The following VPS37A variants were observed in gnomAD, a reference collection of about 807,000 sequenced individuals.
VPS37A encodes the protein VPS37A subunit of ESCRT-I, also known as vacuolar protein sorting-associated protein 37A.
Under a neutral mutation model 49.8 loss-of-function variants are expected in VPS37A, and 30 were observed. The observed-to-expected ratio is 0.60, with a 90% confidence interval of 0.45 to 0.82. The LOEUF is 0.82. Ranked by LOEUF, VPS37A falls within the 40% of genes least tolerant of loss-of-function variation. VPS37A has a pLI of 0.00. For missense variants in VPS37A, 593 were observed against 464.4 expected, an observed-to-expected ratio of 1.28 and a Z score of -2.55; for synonymous variants, 195 against 160.6, an observed-to-expected ratio of 1.21 and a Z score of -1.62.
At chr8:17,316,077 A>C in the VPS37A span, among the ~76,000 whole-genome samples, 7 of 152,268 alleles carry the variant, frequency 4.6e-5, no homozygotes, top group African/African-American at 9.6e-5. Context: ...TTTCCTATGA[A>C]GATTGTTAAT....
At chr8:17,322,950 C>CTTT in the VPS37A span, among the ~76,000 whole-genome samples, 104 of 125,752 alleles carry the variant, frequency 8.3e-4, 1 homozygote, top group African/African-American at 2.5e-3. Context: ...ATTGAATTAT[C>CTTT]TTTTTTTTTT....
At chr8:17,306,035 T>C, downstream of VPS37A, 1 of 1,148,434 alleles carries the variant, frequency 8.7e-7, no homozygotes, top group Non-Finnish European at 1.2e-6. Flanking sequence ...AAAACAACCA[T>C]AAAAGCAACC....
intron 4 of VPS37A, 50 bp downstream of exon 4, chr8:17,269,006 T>A: frequency 7.9e-7 from 1 of 1,263,766 alleles, no homozygotes; most frequent in Non-Finnish European, 1.1e-6. Context: ...TTTAATGTAT[T>A]AATCAAAATA....
chr8:17,283,282 A>T (rs1046100026), intron 9 of VPS37A, among the ~76,000 whole-genome samples: 1 of 151,838 alleles, frequency 6.6e-6, no homozygotes, highest in Non-Finnish European at 1.5e-5. Context: ...CATCCTCCCA[A>T]GTAGCCAAGG....
At chr8:17,301,801 A>G (rs1259842570), downstream of VPS37A, 2 of 292,772 alleles carry the variant, frequency 6.8e-6, no homozygotes, top group Non-Finnish European at 1.2e-5. Flanking sequence ...AAGTGGGGAA[A>G]GAGTTTTACA....
intron 1 of VPS37A, among the ~76,000 whole-genome samples, chr8:17,263,251 CTTT>C (rs1388296521): frequency 2.0e-5 from 3 of 151,182 alleles, no homozygotes; most frequent in South Asian, 2.1e-4. Flanking sequence ...TTTTTGGCAA[CTTT>C]TTTTTAATGA....
chr8:17,279,004 G>C (rs1814781052), intron 6 of VPS37A, among the ~76,000 whole-genome samples: 1 of 151,754 alleles, frequency 6.6e-6, no homozygotes, highest in Admixed American at 6.6e-5. Context: ...ACCCATTTTT[G>C]TTTTTGGTTT....
At chr8:17,286,543 C>T in intron 11 of VPS37A, 116 bp downstream of exon 11, 1 of 807,908 alleles carries the variant, frequency 1.2e-6, no homozygotes, top group East Asian at 2.7e-5. Context: ...ATTATAGTTA[C>T]TGTGCTATGT....
intron 1 of VPS37A, among the ~76,000 whole-genome samples, chr8:17,254,900 G>A (rs1812300738): frequency 6.6e-6 from 1 of 152,050 alleles, no homozygotes; most frequent in African/African-American, 2.4e-5. Context: ...TTGTCTGTCT[G>A]TTCTCCATCT....
intron 9 of VPS37A, among the ~76,000 whole-genome samples, chr8:17,280,908 A>G (rs1040596843): frequency 6.6e-6 from 1 of 151,994 alleles, no homozygotes; most frequent in Non-Finnish European, 1.5e-5. Flanking sequence ...ATAAAATTCA[A>G]CCTATATTTC....
chr8:17,268,488 T>G (rs1813677938), intron 3 of VPS37A, 116 bp downstream of exon 3: 1 of 761,194 alleles, frequency 1.3e-6, no homozygotes, highest in Admixed American at 3.1e-5. Flanking sequence ...AGTACTTTTT[T>G]TAAAAATTGA....
downstream of VPS37A, chr8:17,298,509 C>T (rs1044877723): frequency 6.6e-6 from 1 of 152,294 alleles, no homozygotes; most frequent in Non-Finnish European, 1.5e-5. Flanking sequence ...TTCTTGCCCT[C>T]GTCCTCATTT....
chr8:17,290,494 A>G (rs372350976), intron 11 of VPS37A, among the ~76,000 whole-genome samples: 1 of 152,202 alleles, frequency 6.6e-6, no homozygotes, highest in Non-Finnish European at 1.5e-5. Flanking sequence ...TGATTTGCGT[A>G]TGTTGAACCA....
At chr8:17,302,634 G>C (rs1293080982), downstream of VPS37A, among the ~76,000 whole-genome samples, 3 of 138,814 alleles carry the variant, frequency 2.2e-5, no homozygotes, top group African/African-American at 5.3e-5. Context: ...GCTACAAAGG[G>C]AATCTTAAAC....
chr8:17,318,198 G>A, the VPS37A span, among the ~76,000 whole-genome samples: 3 of 152,084 alleles, frequency 2.0e-5, no homozygotes, highest in Admixed American at 1.3e-4. Context: ...TTTGGGATCC[G>A]AACACACCTT....
At chr8:17,255,789 G>A (rs1280413076) in intron 1 of VPS37A, among the ~76,000 whole-genome samples, 1 of 152,100 alleles carries the variant, frequency 6.6e-6, no homozygotes, top group South Asian at 2.1e-4. Flanking sequence ...CATATGCAAT[G>A]TTTGTCTTTT....
intron 6 of VPS37A, 40 bp from the exon 7 acceptor site, chr8:17,279,988 T>C (rs749227548): frequency 6.8e-6 from 11 of 1,607,092 alleles, no homozygotes; most frequent in Non-Finnish European, 7.6e-6. Context: ...AAAAACTCGA[T>C]GTCTGATATT....
chr8:17,266,387 C>T (rs1813457182), intron 2 of VPS37A, among the ~76,000 whole-genome samples: 1 of 152,098 alleles, frequency 6.6e-6, no homozygotes, highest in South Asian at 2.1e-4. Context: ...ACTACATCAA[C>T]CAGAAAGTTC....
At chr8:17,311,655 G>T in the VPS37A span, 3 of 1,613,702 alleles carry the variant, frequency 1.9e-6, no homozygotes, top group South Asian at 1.1e-5. Context: ...CACACGATCC[G>T]CAAAGAGTCA....
Sources: allele counts gnomAD v4.1 joint callset (sites outside exome capture counted in the v4.1 genomes callset), GRCh38; gene constraint gnomAD v4.1.1; transcripts MANE v1.5; gene names NCBI Gene and HGNC (gene_info 2026-07-23, HGNC 2026-07-21).